Variants in SNRNP40 observed in about 807,000 individuals in gnomAD.
SNRNP40 encodes U5 small nuclear ribonucleoprotein 40 kDa protein.
In SNRNP40, 21 loss-of-function variants were observed where a neutral mutation model predicts 45.8. The ratio of observed to expected loss-of-function variants is 0.46; its 90% CI spans 0.32 to 0.66. The LOEUF is 0.66. Among genes scored for constraint, SNRNP40 ranks in the 30% least tolerant of loss-of-function variants. The pLI is 0.03. For synonymous variants in SNRNP40, 142 were observed against 163.8 expected (o/e 0.87, Z 1.01); for missense variants, 344 against 439.1 (o/e 0.78, Z 1.94).
At chr1:31,272,317 TTAAAA>T (rs1341648534) in intron 5 of SNRNP40, among the ~76,000 whole-genome samples, 1 of 152,150 alleles carries the variant, frequency 6.6e-6, no homozygotes, top group African/African-American at 2.4e-5. Flanking sequence ...AGCACATTTA[TTAAAA>T]TAAAAATAAA....
intron 4 of SNRNP40, chr1:31,282,046 A>C (rs201604112): frequency 6.6e-6 from 1 of 152,394 alleles, no homozygotes; most frequent in East Asian, 1.9e-4. Context: ...ATGAGGAAAA[A>C]GGAAACAAAA....
intron 3 of SNRNP40, among the ~76,000 whole-genome samples, chr1:31,291,382 G>T (rs1346017871): frequency 6.6e-6 from 1 of 151,824 alleles, no homozygotes. Flanking sequence ...CAAAAGAAAT[G>T]ATTTTTATAA....
At position 31,278,434 on chromosome 1, in the gene SNRNP40, C is replaced by T. The variant is rs545308361; in HGVS notation, c.654+2940G>A. 1.2e-4 allele frequency among the ~76,000 whole-genome samples: 19 copies of T among 152,182 alleles called. No homozygotes were observed. The East Asian group carries it at 2.9e-3, about 23-fold the overall frequency. ...ACATTAAAATTCTTATAACTGTACA[C>T]CAAAAATGTTTATTTCACTGTATGT... On this transcript the variant is annotated intron_variant, in intron 5 of 9. Transcript: ENST00000263694.
At chr1:31,266,456 C>A (rs1645897464) in intron 8 of SNRNP40, among the ~76,000 whole-genome samples, 1 of 152,096 alleles carries the variant, frequency 6.6e-6, no homozygotes, top group Non-Finnish European at 1.5e-5. Flanking sequence ...CATTTGCAGC[C>A]CATCAGACTC....
At chr1:31,269,955 T>C (rs536129607) in intron 6 of SNRNP40, among the ~76,000 whole-genome samples, 1 of 152,242 alleles carries the variant, frequency 6.6e-6, no homozygotes, top group African/African-American at 2.4e-5. Flanking sequence ...TAGCCTGGAG[T>C]GCAGTGGCGT....
At chr1:31,278,097 C>T (rs1645989011) in intron 5 of SNRNP40, among the ~76,000 whole-genome samples, 1 of 152,228 alleles carries the variant, frequency 6.6e-6, no homozygotes, top group Non-Finnish European at 1.5e-5. Context: ...TCATCCCTAA[C>T]ATTTGCTGAT....
At chr1:31,295,667 C>G (rs1646144352) in intron 1 of SNRNP40, among the ~76,000 whole-genome samples, 1 of 152,166 alleles carries the variant, frequency 6.6e-6, no homozygotes, top group Non-Finnish European at 1.5e-5. Flanking sequence ...AAGTACAAAG[C>G]CACCAGAAAG....
chr1:31,270,797 C>A (rs1399406384), intron 6 of SNRNP40, among the ~76,000 whole-genome samples: 1 of 152,166 alleles, frequency 6.6e-6, no homozygotes, highest in Non-Finnish European at 1.5e-5. Flanking sequence ...TCCAAACTCC[C>A]TCAACATTAA....
intron 4 of SNRNP40, among the ~76,000 whole-genome samples, chr1:31,285,158 T>C (rs375849252): frequency 2.6e-5 from 4 of 152,286 alleles, no homozygotes; most frequent in South Asian, 4.1e-4. Context: ...CAATCATAAA[T>C]TTATAGAAAA....
chr1:31,268,157 A>G (rs1476031307), intron 7 of SNRNP40, among the ~76,000 whole-genome samples: 1 of 152,136 alleles, frequency 6.6e-6, no homozygotes, highest in African/African-American at 2.4e-5. Context: ...ATTAGATTGA[A>G]CCTGGCAACA....
chr1:31,259,855 C>A lies in SNRNP40; in HGVS notation c.*217G>T. ...GAAAAAAAAAAACAGTCCCTGAAAT[C>A]TGGCAGGTGGTTTTTAGAGGCCACA... is the stretch of plus-strand genomic sequence containing the variant. On this transcript the variant is annotated 3_prime_UTR_variant, in exon 10 of 10. Transcript: ENST00000263694. 4.4e-6 allele frequency: 3 copies of A among 674,908 alleles called. No individual in the cohort carries two copies. Among genetic ancestry groups the A allele is most frequent in the Non-Finnish European group, 5.4e-6 (2 of 368,708 alleles). 41.8% of individuals were successfully genotyped at this position (674,908 alleles called of 1,614,324 possible).
intron 7 of SNRNP40, 111 bp downstream of exon 7, chr1:31,269,047 T>C (rs1034568828): frequency 1.5e-5 from 14 of 953,312 alleles, no homozygotes; most frequent in Admixed American, 2.8e-5. Flanking sequence ...AGCAGTGTTA[T>C]TGGAATGAAG....
chr1:31,287,568 G>T (rs1480639891), intron 4 of SNRNP40, among the ~76,000 whole-genome samples: 1 of 152,128 alleles, frequency 6.6e-6, no homozygotes, highest in Non-Finnish European at 1.5e-5. Flanking sequence ...TAGTAAATCA[G>T]CTACTGTTAA....
At position 31,260,128 on chromosome 1, in the gene SNRNP40, T is replaced by TA. The variant is rs1230680644; in HGVS notation, c.1025-8dup. On this transcript the variant is annotated splice_polypyrimidine_tract_variant and splice_region_variant and intron_variant, in intron 9 of 9. Transcript: ENST00000263694. The stretch of plus-strand genomic sequence containing the variant: ...TCACTCGATGCTGAGATAACTGAGG[T>TA]AAAAAGAACAGATAACTAGAAATAA... 1 of 1,576,664 alleles carries TA rather than the reference T, an allele frequency of 6.3e-7. No homozygotes were observed. Among genetic ancestry groups the TA allele is most frequent in the African/African-American group, 1.4e-5 (1 of 73,350 alleles).
At chr1:31,262,292 C>T (rs923957134) in intron 8 of SNRNP40, among the ~76,000 whole-genome samples, 2 of 151,576 alleles carry the variant, frequency 1.3e-5, no homozygotes, top group African/African-American at 2.4e-5. Flanking sequence ...GGCCGAGGTG[C>T]GTGGATCGTC....
At position 31,271,533 on chromosome 1, in the gene SNRNP40, A is replaced by T. The variant is rs776397564; in HGVS notation, c.655-34T>A. 6.3e-6 allele frequency: 10 copies of T among 1,589,014 alleles called. No individual in the cohort carries two copies. In the East Asian group the frequency reaches 2.0e-4, roughly 32 times the overall value. Reference sequence around the variant, plus strand: ...ACAGAAAGGTGCCCCCAGAAATCAAATTAATAAAAGCAGAGAAAGAGAATG... The same window carrying T: ...ACAGAAAGGTGCCCCCAGAAATCAATTTAATAAAAGCAGAGAAAGAGAATG... On this transcript the variant is annotated intron_variant, in intron 5 of 9. Transcript: ENST00000263694.
At chr1:31,261,186 CAAAA>C in intron 9 of SNRNP40, 12 of 264,594 alleles carry the variant, frequency 4.5e-5, no homozygotes, top group Non-Finnish European at 7.3e-5. Flanking sequence ...ACTAAAAATA[CAAAA>C]AAAAAAAAAA....
chr1:31,284,160 C>G (rs577669431), intron 4 of SNRNP40, among the ~76,000 whole-genome samples: 138 of 152,186 alleles, frequency 9.1e-4, no homozygotes, highest in African/African-American at 3.3e-3. Flanking sequence ...GAGGTTGAGG[C>G]TGCAGTGAGC....
rs1412120545 is a variant in SNRNP40, at chr1:31,261,573, G to C, written c.980C>G (p.Ala327Gly). The C allele has an allele frequency of 6.8e-6, 11 of 1,614,046 alleles. No individual in the cohort carries two copies. Among genetic ancestry groups the C allele is most frequent in the Non-Finnish European group, 9.3e-6 (11 of 1,179,894 alleles). ...GAAAGCCACTTCATTGATGGAGCCA[G>C]CATGGCCGGGCAGCTTATACAATAT... ...RRILYKLPGH[A>G]GSINEVAFHP... The change falls in exon 9 of 10, where the codon GCT becomes GGT. Residue 327 changes from alanine to glycine, a missense_variant. This residue lies in a region of SNRNP40 where 254 missense variants were observed against 380.2 expected (regional missense o/e 0.67). Transcript: ENST00000263694.
Sources: gnomAD v4.1 joint callset for allele counts (sites outside exome capture counted in the v4.1 genomes callset) on GRCh38, gnomAD v4.1.1 for gene constraint, gnomAD v4.1.1 regional missense constraint, MANE v1.5 for transcripts, NCBI Gene and HGNC (gene_info 2026-07-23, HGNC 2026-07-21) for gene names.